Variants in LRRTM4 observed in about 807,000 individuals in gnomAD.
LRRTM4 encodes the protein leucine-rich repeat transmembrane neuronal protein 4.
In LRRTM4, 25 loss-of-function variants were observed where a neutral mutation model predicts 47.6. The observed-to-expected ratio is 0.53, with a 90% CI of 0.38 to 0.73. The LOEUF is 0.73. LRRTM4 is among the 30% of genes least tolerant of loss of function. The probability of loss-of-function intolerance (pLI) is 0.00; values close to 1 mark genes in which losing one functional copy is unlikely to be tolerated. For missense variants in LRRTM4, 638 were observed against 713.4 expected (o/e 0.89, Z 1.20); for synonymous variants, 311 against 269.5 (o/e 1.15, Z -1.51).
intron 3 of LRRTM4, among the ~76,000 whole-genome samples, chr2:76,767,331 GTC>G (rs1673496477): frequency 6.6e-6 from 1 of 152,154 alleles, no homozygotes; most frequent in Non-Finnish European, 1.5e-5. Flanking sequence ...ATTGAGTGAT[GTC>G]TCTGTGTCAC....
intron 3 of LRRTM4, among the ~76,000 whole-genome samples, chr2:76,904,965 G>C (rs1229147910): frequency 1.3e-5 from 2 of 152,156 alleles, no homozygotes; most frequent in Non-Finnish European, 2.9e-5. Context: ...GGTGATTTCT[G>C]CATTTCCATC....
intron 3 of LRRTM4, among the ~76,000 whole-genome samples, chr2:77,506,781 C>T (rs528087895): frequency 1.5e-4 from 23 of 151,824 alleles, no homozygotes; most frequent in African/African-American, 3.9e-4. Flanking sequence ...ATTTTTGTGA[C>T]GGTGAAATGA....
chr2:77,019,269 A>AAG (rs1678182961), intron 3 of LRRTM4, among the ~76,000 whole-genome samples: 2 of 151,132 alleles, frequency 1.3e-5, no homozygotes, highest in South Asian at 4.2e-4. Flanking sequence ...AAAAAAAAAA[A>AAG]AAAAAAATAT....
Position 77,258,089 on chromosome 2 carries a change from T to C in LRRTM4, c.1551+260229A>G, listed in dbSNP as rs1482214980. ...CTAGCCTGAGCAACAAGACCAAAAC[T>C]CTGTCTCAAAAATAAAAAGAAAAGA... On this transcript the variant is annotated intron_variant, in intron 3 of 3. Transcript: ENST00000409884. Among the ~76,000 whole-genome samples the C allele has an allele frequency of 2.1e-5, 3 of 141,674 alleles. No individual in the cohort carries two copies. The East Asian group carries it at 6.2e-4, about 29-fold the overall frequency. The allele number at this position is 141,674 out of a possible 152,430, so 92.9% of individuals were successfully genotyped here. A position where few individuals can be genotyped will look rare whatever the true frequency, so the allele number is the denominator to read the frequency against.
intron 3 of LRRTM4, among the ~76,000 whole-genome samples, chr2:76,789,066 A>C (rs1310585978): frequency 6.6e-6 from 1 of 152,146 alleles, no homozygotes. Context: ...TTCTATTACA[A>C]AATGATTCTT....
At chr2:77,074,223 C>G (rs1257112425) in intron 3 of LRRTM4, among the ~76,000 whole-genome samples, 1 of 152,118 alleles carries the variant, frequency 6.6e-6, no homozygotes, top group African/African-American at 2.4e-5. Flanking sequence ...CTTGTTATAA[C>G]ATAGATGGTC....
chr2:76,987,047 G>A (rs762020197), intron 3 of LRRTM4, among the ~76,000 whole-genome samples: 16 of 151,658 alleles, frequency 1.1e-4, no homozygotes, highest in East Asian at 1.9e-4. Flanking sequence ...TTTAGAAAGC[G>A]TGAAAAAAAT....
chr2:77,369,484 A>G (rs1672581742), intron 3 of LRRTM4, among the ~76,000 whole-genome samples: 1 of 151,800 alleles, frequency 6.6e-6, no homozygotes, highest in Non-Finnish European at 1.5e-5. Flanking sequence ...CATGAAGACG[A>G]AAGTGGACAA....
At chr2:76,966,259 G>T (rs1477974986) in intron 3 of LRRTM4, among the ~76,000 whole-genome samples, 9 of 151,318 alleles carry the variant, frequency 5.9e-5, no homozygotes, top group Admixed American at 4.6e-4. Context: ...AGGAATTCTA[G>T]TATCAGGTGA....
intron 3 of LRRTM4, among the ~76,000 whole-genome samples, chr2:77,079,401 T>G (rs1226890649): frequency 1.3e-5 from 2 of 152,198 alleles, no homozygotes; most frequent in Admixed American, 6.5e-5. Flanking sequence ...TGTGGATGCT[T>G]GTATCATACA....
intron 3 of LRRTM4, among the ~76,000 whole-genome samples, chr2:76,995,929 A>G (rs2860937): frequency 0.5 from 76,566 of 151,882 alleles, 20,016 homozygotes; most frequent in African/African-American, 0.64. Flanking sequence ...ACTTAAGAAT[A>G]CTATTTAAAA....
intron 3 of LRRTM4, among the ~76,000 whole-genome samples, chr2:76,883,976 C>G (rs988664986): frequency 6.8e-6 from 1 of 148,096 alleles, no homozygotes; most frequent in Non-Finnish European, 1.5e-5. Context: ...CACCACCACA[C>G]CCGGCTAATT....
intron 3 of LRRTM4, among the ~76,000 whole-genome samples, chr2:77,186,917 T>A (rs907479001): frequency 6.6e-6 from 1 of 152,154 alleles, no homozygotes; most frequent in Admixed American, 6.6e-5. Flanking sequence ...TACATTTTGG[T>A]GAAGATAAGA....
chr2:77,233,041 G>T (rs1675010863), intron 3 of LRRTM4, among the ~76,000 whole-genome samples: 1 of 152,166 alleles, frequency 6.6e-6, no homozygotes, highest in African/African-American at 2.4e-5. Context: ...TAAAGAAATT[G>T]CATTGCTTGA....
intron 3 of LRRTM4, among the ~76,000 whole-genome samples, chr2:76,991,469 G>A (rs972705772): frequency 1.5e-4 from 23 of 151,618 alleles, no homozygotes; most frequent in South Asian, 1.2e-3. Context: ...TTATGTGACA[G>A]AAATACAAAA....
At chr2:76,850,397 G>A (rs1254135853) in intron 3 of LRRTM4, among the ~76,000 whole-genome samples, 1 of 152,144 alleles carries the variant, frequency 6.6e-6, no homozygotes, top group Non-Finnish European at 1.5e-5. Flanking sequence ...CATTAGAACT[G>A]TAAAAATTGG....
intron 3 of LRRTM4, among the ~76,000 whole-genome samples, chr2:77,258,758 T>C (rs529214739): frequency 6.7e-6 from 1 of 149,918 alleles, no homozygotes; most frequent in South Asian, 2.1e-4. Flanking sequence ...TTCTTATTTT[T>C]AAAAAAAAAA....
At chr2:76,772,027 G>A (rs1214387218) in intron 3 of LRRTM4, among the ~76,000 whole-genome samples, 1 of 152,196 alleles carries the variant, frequency 6.6e-6, no homozygotes, top group African/African-American at 2.4e-5. Flanking sequence ...TAAGAATGGT[G>A]TTATGGACCG....
intron 3 of LRRTM4, among the ~76,000 whole-genome samples, chr2:76,909,191 T>A (rs1427600017): frequency 8.6e-5 from 13 of 151,794 alleles, no homozygotes; most frequent in East Asian, 5.9e-4. Flanking sequence ...ATAATGCTGC[T>A]TATCTACAAC....
Sources: gnomAD v4.1 joint callset for allele counts (sites outside exome capture counted in the v4.1 genomes callset) on GRCh38, gnomAD v4.1.1 for gene constraint, MANE v1.5 for transcripts, NCBI Gene and HGNC (gene_info 2026-07-23, HGNC 2026-07-21) for gene names.